The following TRHDE variants were observed in gnomAD, a reference collection of about 807,000 sequenced individuals.
The protein encoded by TRHDE is thyrotropin releasing hormone degrading enzyme, also known as thyrotropin-releasing hormone-degrading ectoenzyme.
A neutral mutation model predicts 125.7 loss-of-function variants in TRHDE; 72 were observed. That is an observed-to-expected ratio of 0.57 (90% CI 0.47 to 0.70). The LOEUF (loss-of-function observed/expected upper bound fraction) is 0.70, where lower values mean the gene tolerates loss of function less well. Ranked by LOEUF, TRHDE falls within the 30% of genes least tolerant of loss-of-function variation. The pLI, the probability that TRHDE is intolerant of heterozygous loss-of-function variation, is 0.00. For synonymous variants in TRHDE, 509 were observed against 509.1 expected (o/e 1.00, Z 0.00); for missense variants, 1,110 against 1,327.1 (o/e 0.84, Z 2.54).
At chr12:72,580,231 C>T (rs769120585) in intron 12 of TRHDE, among the ~76,000 whole-genome samples, 8 of 152,218 alleles carry the variant, frequency 5.3e-5, no homozygotes, top group South Asian at 4.1e-4. Flanking sequence ...TTTATGTACA[C>T]GGGTTCTGGT....
At chr12:72,196,797 A>G (rs1477861821) in intron 2 of TRHDE, among the ~76,000 whole-genome samples, 1 of 151,904 alleles carries the variant, frequency 6.6e-6, no homozygotes, top group Non-Finnish European at 1.5e-5. Context: ...TGCTCTCTCT[A>G]GTTTCATCAC....
intron 2 of TRHDE, among the ~76,000 whole-genome samples, chr12:72,351,435 T>A (rs1870577052): frequency 6.6e-6 from 1 of 151,970 alleles, no homozygotes; most frequent in African/African-American, 2.4e-5. Flanking sequence ...AGCAGCTCCC[T>A]TTTAACATAC....
chr12:72,458,560 T>C (rs1592460531), intron 3 of TRHDE, among the ~76,000 whole-genome samples: 1 of 152,118 alleles, frequency 6.6e-6, no homozygotes, highest in Non-Finnish European at 1.5e-5. Flanking sequence ...TTAAATCTTT[T>C]CCCCGACCCC....
In TRHDE at chr12:72,449,415, T is replaced by C. The variant is rs761089278; in HGVS notation, c.1316-20343T>C. Among the ~76,000 whole-genome samples the C allele has an allele frequency of 1.8e-4, 28 of 152,022 alleles. 1 individual carries two copies. The highest frequency in any genetic ancestry group is 8.3e-4 in the South Asian group (4 of 4,832). On this transcript the variant is annotated intron_variant, in intron 3 of 18. Transcript: ENST00000261180. ...TTACCTAGGTAATAGCAGAAGTGCA[T>C]GTGATCTGATTTTTGAATTTTTTTT...
At chr12:72,418,847 G>T (rs1380261474) in intron 3 of TRHDE, among the ~76,000 whole-genome samples, 1 of 152,096 alleles carries the variant, frequency 6.6e-6, no homozygotes, top group African/African-American at 2.4e-5. Flanking sequence ...TTTTGTTTCT[G>T]CTACCAAGGA....
Position 72,661,074 on chromosome 12 carries a change from C to T in TRHDE, c.3067-1978C>T, listed in dbSNP as rs1409825746. ...AGTTCCTCTTAAGATACATATGAGG[C>T]ACCTCAGACTCTCTGAGCCCACAAG... On this transcript the variant is annotated intron_variant, in intron 18 of 18. Transcript: ENST00000261180. Among the ~76,000 whole-genome samples the T allele has an allele frequency of 5.3e-5, 8 of 152,270 alleles. No homozygotes were observed. The South Asian group carries it at 1.4e-3, about 28-fold the overall frequency.
chr12:72,515,621 G>T (rs1250926593), intron 6 of TRHDE, among the ~76,000 whole-genome samples: 6 of 152,008 alleles, frequency 3.9e-5, no homozygotes, highest in Non-Finnish European at 8.8e-5. Context: ...AGTTTCTTTT[G>T]CTGTGCAGAA....
At chr12:72,293,531 T>TG (rs1176485702) in intron 2 of TRHDE, among the ~76,000 whole-genome samples, 11 of 152,158 alleles carry the variant, frequency 7.2e-5, no homozygotes, top group Non-Finnish European at 1.3e-4. Flanking sequence ...CTCTCATCTT[T>TG]GGTTCATATG....
intron 15 of TRHDE, among the ~76,000 whole-genome samples, chr12:72,633,976 G>A (rs1873607367): frequency 6.6e-6 from 1 of 152,016 alleles, no homozygotes; most frequent in African/African-American, 2.4e-5. Flanking sequence ...TGAGGAGGAG[G>A]AGTGTCATTA....
At chr12:72,609,311 C>A (rs12300226) in intron 12 of TRHDE, among the ~76,000 whole-genome samples, 3,064 of 152,188 alleles carry the variant, frequency 0.02, 98 homozygotes, top group African/African-American at 0.07. Context: ...ATGTATATAA[C>A]CACAATATTT....
chr12:72,538,675 A>T (rs1467240946), intron 6 of TRHDE, among the ~76,000 whole-genome samples: 1 of 151,824 alleles, frequency 6.6e-6, no homozygotes, highest in Non-Finnish European at 1.5e-5. Flanking sequence ...ACATTTACAA[A>T]CAGATGTTAT....
intron 6 of TRHDE, among the ~76,000 whole-genome samples, chr12:72,521,669 C>A (rs934387444): frequency 8.5e-5 from 13 of 152,154 alleles, no homozygotes; most frequent in African/African-American, 3.1e-4. Flanking sequence ...AAAGCATGAC[C>A]AACCAGCTGA....
At chr12:72,518,510 C>G (rs867420450) in intron 6 of TRHDE, among the ~76,000 whole-genome samples, 6 of 152,294 alleles carry the variant, frequency 3.9e-5, no homozygotes, top group Admixed American at 2.6e-4. Context: ...AGATCTTCCT[C>G]CATCCTTTTA....
chr12:72,513,939 C>T (rs1878715206), intron 6 of TRHDE, among the ~76,000 whole-genome samples: 2 of 152,076 alleles, frequency 1.3e-5, no homozygotes. Flanking sequence ...ATTACCTGTT[C>T]CAAACTTTGG....
chr12:72,661,744 T>C (rs1274299754), intron 18 of TRHDE, among the ~76,000 whole-genome samples: 2 of 152,182 alleles, frequency 1.3e-5, no homozygotes, highest in Non-Finnish European at 2.9e-5. Flanking sequence ...CCTTTGCTTC[T>C]TCCTTTTTTC....
intron 2 of TRHDE, among the ~76,000 whole-genome samples, chr12:72,130,078 G>A (rs1159655650): frequency 2.6e-5 from 4 of 152,050 alleles, no homozygotes; most frequent in South Asian, 2.1e-4. Flanking sequence ...GAGGTGGGCG[G>A]ATCATGAGGT....
At chr12:72,406,479 G>T (rs967465366) in intron 3 of TRHDE, among the ~76,000 whole-genome samples, 1 of 152,162 alleles carries the variant, frequency 6.6e-6, no homozygotes, top group Non-Finnish European at 1.5e-5. Flanking sequence ...ATTGTTAGGT[G>T]CTGGTTGTTT....
rs370644616 is a variant in TRHDE, at chr12:72,626,856, T to C, written c.2675+5105T>C. Among the ~76,000 whole-genome samples the C allele has an allele frequency of 7.9e-5, 12 of 151,876 alleles. No individual in the cohort carries two copies. In the South Asian group the frequency reaches 2.5e-3, roughly 32 times the overall value. ...TATCTCGTCCAGAAACCTCATGTTT[T>C]CTTTCTCCAAAACATAGATCCGAAC... On this transcript the variant is annotated intron_variant, in intron 15 of 18. Coordinates refer to ENST00000261180, the MANE Select transcript of TRHDE (RefSeq NM_013381.3).
intron 7 of TRHDE, among the ~76,000 whole-genome samples, chr12:72,553,673 T>C (rs1869781171): frequency 6.6e-6 from 1 of 152,020 alleles, no homozygotes; most frequent in African/African-American, 2.4e-5. Context: ...TAAGCAGCTT[T>C]CCAGAAGCCT....
Sources: allele counts gnomAD v4.1 joint callset (sites outside exome capture counted in the v4.1 genomes callset), GRCh38; gene constraint gnomAD v4.1.1; transcripts MANE v1.5; gene names NCBI Gene and HGNC (gene_info 2026-07-23, HGNC 2026-07-21).